Variants in PLPP4 observed in about 807,000 individuals in gnomAD.
PLPP4 encodes the protein diacylglycerol pyrophosphate like 2.
In PLPP4, 20 loss-of-function variants were observed where a neutral mutation model predicts 32.2. The observed-to-expected ratio is 0.62, with a 90% confidence interval of 0.44 to 0.90. PLPP4 has a LOEUF of 0.90. Among genes scored for constraint, PLPP4 ranks in the 40% least tolerant of loss-of-function variants. The pLI is 0.00. For synonymous variants in PLPP4, 127 were observed against 133.0 expected (o/e 0.95, Z 0.31); for missense variants, 257 against 353.1 (o/e 0.73, Z 2.18).
chr10:120,571,047 C>T (rs1848911359), intron 5 of PLPP4, among the ~76,000 whole-genome samples: 2 of 149,754 alleles, frequency 1.3e-5, no homozygotes, highest in African/African-American at 4.9e-5. Flanking sequence ...ATATGCTCTT[C>T]CCACAGGTCA....
chr10:120,496,054 C>T (rs1844949534), intron 1 of PLPP4, among the ~76,000 whole-genome samples: 1 of 152,126 alleles, frequency 6.6e-6, no homozygotes, highest in Admixed American at 6.5e-5. Flanking sequence ...ATGATCTGAT[C>T]TGGTTTATAT....
At chr10:120,549,742 G>T (rs985151899) in intron 5 of PLPP4, among the ~76,000 whole-genome samples, 2 of 145,590 alleles carry the variant, frequency 1.4e-5, no homozygotes, top group African/African-American at 5.0e-5. Flanking sequence ...AAATAAAGAA[G>T]AAAAATCATA....
Position 120,457,254 on chromosome 10 carries a change from G to A in PLPP4, c.-52G>A. On this transcript the variant is annotated 5_prime_UTR_variant, in exon 1 of 7. Transcript: ENST00000398250. ...GGCGAGCCGGCGCCGGCCGAGCTGC[G>A]GGAGCCGCGGAGAGCACCAGCTGAC... is the stretch of plus-strand genomic sequence containing the variant. 2 of 1,397,118 alleles carry A rather than the reference G, an allele frequency of 1.4e-6. No individual in the cohort carries two copies. The highest frequency in any genetic ancestry group is 3.1e-5 in the East Asian group (1 of 32,282). 86.5% of individuals were successfully genotyped at this position (1,397,118 alleles called of 1,614,324 possible).
At chr10:120,548,777 A>C (rs1847752179) in intron 5 of PLPP4, among the ~76,000 whole-genome samples, 1 of 151,552 alleles carries the variant, frequency 6.6e-6, no homozygotes, top group Non-Finnish European at 1.5e-5. Flanking sequence ...TCTGACTGTC[A>C]TGAAATGGTA....
intron 1 of PLPP4, among the ~76,000 whole-genome samples, chr10:120,462,730 T>C (rs534208591): frequency 5.3e-5 from 8 of 152,230 alleles, no homozygotes; most frequent in East Asian, 1.9e-4. Flanking sequence ...TGAATTAAAA[T>C]AGAGATCGAG....
At chr10:120,557,055 A>G (rs1848195599) in intron 5 of PLPP4, among the ~76,000 whole-genome samples, 1 of 152,166 alleles carries the variant, frequency 6.6e-6, no homozygotes, top group South Asian at 2.1e-4. Flanking sequence ...TTTCATTGCT[A>G]ATAATTCTCA....
At chr10:120,466,090 G>A (rs1410947791) in intron 1 of PLPP4, among the ~76,000 whole-genome samples, 2 of 152,016 alleles carry the variant, frequency 1.3e-5, no homozygotes, top group African/African-American at 4.8e-5. Flanking sequence ...GAAGGATTTG[G>A]CCTCTCTGTC....
chr10:120,488,127 A>G (rs1844547514), intron 1 of PLPP4, among the ~76,000 whole-genome samples: 1 of 152,214 alleles, frequency 6.6e-6, no homozygotes, highest in African/African-American at 2.4e-5. Flanking sequence ...TGGAGGGAAG[A>G]GGAGCTTGGG....
chr10:120,473,897 A>T (rs1843775904), intron 1 of PLPP4, among the ~76,000 whole-genome samples: 1 of 151,960 alleles, frequency 6.6e-6, no homozygotes, highest in African/African-American at 2.4e-5. Context: ...AGCTAGTTAA[A>T]CCTCTTTTCT....
chr10:120,463,979 T>C (rs1375434160), intron 1 of PLPP4, among the ~76,000 whole-genome samples: 4 of 152,134 alleles, frequency 2.6e-5, no homozygotes, highest in African/African-American at 7.2e-5. Context: ...CAGCCAGCTA[T>C]TTTATTTTTT....
In PLPP4 at chr10:120,550,128, A is replaced by C. The variant is rs1044465359; in HGVS notation, c.446-25003A>C. On this transcript the variant is annotated intron_variant, in intron 5 of 6. Coordinates refer to ENST00000398250, the MANE Select transcript of PLPP4 (RefSeq NM_001030059.3). The stretch of plus-strand genomic sequence containing the variant: ...TAAGTGAATTTTGCAAGATCATAGG[A>C]TACAAGGTCAATATAGAAAATCAAT... 3.3e-5 allele frequency among the ~76,000 whole-genome samples: 5 copies of C among 152,030 alleles called. No homozygotes were observed. The East Asian group carries it at 9.6e-4, about 29-fold the overall frequency.
At chr10:120,473,127 T>C (rs1848588750) in intron 1 of PLPP4, among the ~76,000 whole-genome samples, 1 of 152,212 alleles carries the variant, frequency 6.6e-6, no homozygotes, top group Admixed American at 6.5e-5. Flanking sequence ...TCTCTCTTCC[T>C]TTGCATGTCT....
intron 5 of PLPP4, among the ~76,000 whole-genome samples, chr10:120,557,720 C>T (rs139636727): frequency 1.3e-5 from 2 of 152,114 alleles, no homozygotes; most frequent in Non-Finnish European, 2.9e-5. Context: ...GCATGTGTAG[C>T]GTATGCCCTG....
At position 120,586,835 on chromosome 10, in the gene PLPP4, CAT is replaced by C. The variant is rs200698642; in HGVS notation, c.617-2467_617-2466del. ...ACAGGGAGTGGGGAGGGACTATTAACATGTGTAACTGGGAGACTTGGTCTAGT... is the reference window on the plus strand; with the variant it reads ...ACAGGGAGTGGGGAGGGACTATTAACGTGTAACTGGGAGACTTGGTCTAGT... On this transcript the variant is annotated intron_variant, in intron 6 of 6. Coordinates refer to ENST00000398250, the MANE Select transcript of PLPP4 (RefSeq NM_001030059.3). 7.9e-3 allele frequency among the ~76,000 whole-genome samples: 1,209 copies of C among 152,190 alleles called. 20 individuals are homozygous for C. The highest frequency in any genetic ancestry group is 0.027 in the African/African-American group (1,135 of 41,520).
chr10:120,552,165 G>GGGGTGTGTGTGT (rs370982803), intron 5 of PLPP4, among the ~76,000 whole-genome samples: 11 of 138,546 alleles, frequency 7.9e-5, no homozygotes, highest in Non-Finnish European at 1.4e-4. Context: ...GTGGTGGTGG[G>GGGGTGTGTGTGT]GTGTGTGTGT....
At chr10:120,574,162 ACACACACTCTCTCTCTCTCTCTCTCT>A (rs1253824307) in intron 5 of PLPP4, among the ~76,000 whole-genome samples, 57 of 104,166 alleles carry the variant, frequency 5.5e-4, no homozygotes, top group Admixed American at 1.6e-3. Context: ...ACACACACAC[ACACACACTCTCTCTCTCTCTCTCTCT>A]CTCTCTCTCT....
chr10:120,487,605 G>C (rs1844520971), intron 1 of PLPP4, among the ~76,000 whole-genome samples: 1 of 152,132 alleles, frequency 6.6e-6, no homozygotes, highest in East Asian at 1.9e-4. Flanking sequence ...TAACCTTATA[G>C]GGTCATGGTA....
rs373183959 is a variant in PLPP4 at position 120,464,254 on chromosome 10, A to C, written c.56+6893A>C. Among the ~76,000 whole-genome samples the C allele has an allele frequency of 9.9e-5, 15 of 152,232 alleles. 2 individuals are homozygous for C. Among genetic ancestry groups the C allele is most frequent in the Admixed American group, 5.9e-4 (9 of 15,292 alleles). ...TAAAAACATATTGTATTGAAGTATA[A>C]GTTTGAACCATATTAAGCATATTTT... On this transcript the variant is annotated intron_variant, in intron 1 of 6. Coordinates refer to ENST00000398250, the MANE Select transcript of PLPP4 (RefSeq NM_001030059.3).
At chr10:120,471,561 T>C (rs1216976068) in intron 1 of PLPP4, among the ~76,000 whole-genome samples, 2 of 152,084 alleles carry the variant, frequency 1.3e-5, no homozygotes, top group Admixed American at 6.5e-5. Flanking sequence ...TACTACATTA[T>C]ATTTATTGAG....
Sources: allele counts gnomAD v4.1 joint callset (sites outside exome capture counted in the v4.1 genomes callset), GRCh38; gene constraint gnomAD v4.1.1; transcripts MANE v1.5; gene names NCBI Gene and HGNC (gene_info 2026-07-23, HGNC 2026-07-21).